The following PDE4B variants were observed in gnomAD, a reference collection of about 807,000 sequenced individuals.
PDE4B encodes the protein phosphodiesterase 4B, also known as 3',5'-cyclic-AMP phosphodiesterase 4B.
In PDE4B, 20 loss-of-function variants were observed where a neutral mutation model predicts 82.2. That is an observed-to-expected ratio of 0.24 (90% CI 0.17 to 0.35). The LOEUF (loss-of-function observed/expected upper bound fraction) is 0.35. PDE4B is among the 10% of genes least tolerant of loss of function. The pLI, the probability that PDE4B is intolerant of heterozygous loss-of-function variation, is 1.00. For synonymous variants in PDE4B, 320 were observed against 318.9 expected, an observed-to-expected ratio of 1.00 and a Z score of -0.04; for missense variants, 655 against 907.2, an observed-to-expected ratio of 0.72 and a Z score of 3.57.
At chr1:66,215,351 A>T (rs1379464350) in intron 3 of PDE4B, among the ~76,000 whole-genome samples, 4 of 152,194 alleles carry the variant, frequency 2.6e-5, no homozygotes, top group African/African-American at 9.6e-5. Context: ...CTAGAAGGTG[A>T]TAAGAGAACC....
In PDE4B at chr1:66,363,507, A is replaced by G; in HGVS notation, c.1220A>G (p.Asn407Ser). 6.2e-7 allele frequency: 1 copy of G among 1,613,734 alleles called. No homozygotes were observed. The highest frequency in any genetic ancestry group is 8.5e-7 in the Non-Finnish European group (1 of 1,179,778). The change falls in exon 12 of 17, where the codon AAC becomes AGC. Residue 407 changes from asparagine (N) to serine (S), a missense_variant. By Grantham distance (46) the Asn-to-Ser change is conservative (BLOSUM62 1). Around this residue, in one of 3 missense-constraint regions of PDE4B, gnomAD observed 283 missense variants for 516.4 expected, o/e 0.55. Transcript: ENST00000341517. ...DHYHSDVAYH[N>S]SLHAADVAQS... ...TACCATTCTGACGTGGCATATCACA[A>G]CAGCCTGCACGCTGCTGATGTAGCC...
intron 3 of PDE4B, among the ~76,000 whole-genome samples, chr1:65,926,597 C>T (rs1320497219): frequency 6.6e-6 from 1 of 152,152 alleles, no homozygotes; most frequent in African/African-American, 2.4e-5. Flanking sequence ...AGTGTCTTTA[C>T]TGTTTTATCT....
chr1:66,231,128 T>C (rs1318981106), intron 3 of PDE4B, among the ~76,000 whole-genome samples: 2 of 152,122 alleles, frequency 1.3e-5, no homozygotes, highest in Non-Finnish European at 2.9e-5. Flanking sequence ...ATGGTCATGA[T>C]TCAGAATATA....
chr1:66,168,086 A>G (rs1244953431), intron 3 of PDE4B, among the ~76,000 whole-genome samples: 1 of 152,206 alleles, frequency 6.6e-6, no homozygotes, highest in Non-Finnish European at 1.5e-5. Context: ...ACTTCTATTT[A>G]TTATGAACTA....
intron 3 of PDE4B, among the ~76,000 whole-genome samples, chr1:66,175,130 C>G (rs1164792628): frequency 3.3e-5 from 5 of 152,186 alleles, no homozygotes; most frequent in African/African-American, 1.2e-4. Flanking sequence ...TGTGGGGGCA[C>G]AGAGCCAAAC....
At position 66,365,687 on chromosome 1, in the gene PDE4B, G is replaced by A. The variant is rs783036; in HGVS notation, c.1305G>A (p.Glu435=). Residue 435 remains glutamate, a synonymous_variant, in exon 13 of 17, where the codon GAG becomes GAA. Coordinates refer to ENST00000341517, the MANE Select transcript of PDE4B (RefSeq NM_002600.4). ...GACAGGCTGTCTTCACAGATTTGGA[G>A]ATCCTGGCTGCCATTTTTGCAGCTG... ...PALDAVFTDL[E]ILAAIFAAAI... is the part of the protein sequence containing the mutation. The A allele has an allele frequency of 0.49, 784,039 of 1,603,504 alleles. 198,180 individuals carry two copies. Among genetic ancestry groups the A allele is most frequent in the African/African-American group, 0.76 (57,154 of 74,800 alleles).
At chr1:66,313,299 T>C (rs137862446) in intron 7 of PDE4B, among the ~76,000 whole-genome samples, 56 of 152,328 alleles carry the variant, frequency 3.7e-4, no homozygotes, top group African/African-American at 1.3e-3. Context: ...CTTCTAGAAT[T>C]CTAGAATAGA....
chr1:66,188,456 T>A (rs927427327), intron 3 of PDE4B, among the ~76,000 whole-genome samples: 2 of 152,078 alleles, frequency 1.3e-5, no homozygotes, highest in African/African-American at 2.4e-5. Flanking sequence ...CCCATTATTA[T>A]TGTGTGGGAG....
intron 3 of PDE4B, among the ~76,000 whole-genome samples, chr1:66,184,887 G>A (rs1325599156): frequency 2.0e-5 from 3 of 150,986 alleles, no homozygotes; most frequent in Non-Finnish European, 4.4e-5. Context: ...TGTGCACAAC[G>A]TGCATGTTTG....
intron 3 of PDE4B, among the ~76,000 whole-genome samples, chr1:65,979,084 A>G (rs1252990685): frequency 2.0e-5 from 3 of 152,212 alleles, no homozygotes; most frequent in African/African-American, 7.2e-5. Context: ...ATCAACTTCA[A>G]AGAACATCTT....
At chr1:66,007,392 C>T (rs948652330) in intron 3 of PDE4B, among the ~76,000 whole-genome samples, 23 of 151,890 alleles carry the variant, frequency 1.5e-4, no homozygotes, top group Non-Finnish European at 2.4e-4. Context: ...TGCAGTGAGC[C>T]GAGATCATGC....
chr1:66,320,671 G>A (rs1387987583), intron 7 of PDE4B, among the ~76,000 whole-genome samples: 4 of 152,140 alleles, frequency 2.6e-5, no homozygotes, highest in Non-Finnish European at 5.9e-5. Context: ...GGTAATAGAT[G>A]CTTGATGCAC....
chr1:66,233,048 A>G (rs1253331253), intron 3 of PDE4B, among the ~76,000 whole-genome samples: 1 of 152,176 alleles, frequency 6.6e-6, no homozygotes, highest in Admixed American at 6.5e-5. Flanking sequence ...ACACATATAC[A>G]TTTATGAAGC....
intron 1 of PDE4B, among the ~76,000 whole-genome samples, chr1:65,819,037 A>T (rs1645920048): frequency 2.0e-5 from 3 of 152,106 alleles, no homozygotes; most frequent in Admixed American, 6.5e-5. Flanking sequence ...TTACTCTGGG[A>T]TCAGTCTAAC....
rs1342360103 is a variant in PDE4B at position 65,918,818 on chromosome 1, A to G, written c.264A>G (p.Thr88=). 6.2e-7 allele frequency: 1 copy of G among 1,608,544 alleles called. No individual in the cohort carries two copies. The highest frequency in any genetic ancestry group is 1.1e-5 in the South Asian group (1 of 90,982). Residue 88 remains threonine (T), a synonymous_variant, in exon 3 of 17, where the codon ACA becomes ACG. Transcript: ENST00000341517. ...PLTTLPSIAI[T]TVSQECFDVE... Reference sequence around the variant, plus strand: ...CAACGCTTCCAAGCATTGCTATTACAACTGTAAGCCAGGAGTGGTGAGTAG... The same window carrying G: ...CAACGCTTCCAAGCATTGCTATTACGACTGTAAGCCAGGAGTGGTGAGTAG...
At chr1:66,305,423 A>G (rs1263915735) in intron 7 of PDE4B, among the ~76,000 whole-genome samples, 1 of 152,188 alleles carries the variant, frequency 6.6e-6, no homozygotes, top group African/African-American at 2.4e-5. Context: ...TGAATTTCAG[A>G]TAAACAACAG....
intron 3 of PDE4B, among the ~76,000 whole-genome samples, chr1:66,098,039 G>A (rs1264356064): frequency 4.0e-5 from 6 of 151,844 alleles, no homozygotes; most frequent in Admixed American, 6.6e-5. Context: ...TGATTCTTGC[G>A]GATGCTCCAT....
At chr1:66,086,736 TC>T (rs761763934) in intron 3 of PDE4B, among the ~76,000 whole-genome samples, 5 of 152,190 alleles carry the variant, frequency 3.3e-5, no homozygotes, top group Non-Finnish European at 5.9e-5. Context: ...CTCCAGCTCA[TC>T]TTTATCCTAA....
chr1:66,253,845 A>C (rs985676652), intron 4 of PDE4B, among the ~76,000 whole-genome samples: 1 of 152,190 alleles, frequency 6.6e-6, no homozygotes, highest in Non-Finnish European at 1.5e-5. Flanking sequence ...GTTTAAGGGA[A>C]CCAATGCTGG....
Sources: allele counts gnomAD v4.1 joint callset (sites outside exome capture counted in the v4.1 genomes callset), GRCh38; gene constraint gnomAD v4.1.1; regional missense constraint gnomAD v4.1.1; transcripts MANE v1.5; gene names NCBI Gene and HGNC (gene_info 2026-07-23, HGNC 2026-07-21).